PRKG2: variants seen among roughly 807,000 people sequenced by gnomAD.
The protein encoded by PRKG2 is cGMP-dependent protein kinase 2.
In PRKG2, 33 loss-of-function variants were observed where a neutral mutation model predicts 97.2. The ratio of observed to expected loss-of-function variants is 0.34; its 90% CI spans 0.26 to 0.45. The LOEUF (loss-of-function observed/expected upper bound fraction) is 0.45. Ranked by LOEUF, PRKG2 falls within the 20% of genes least tolerant of loss-of-function variation. PRKG2 has a pLI of 1.00. For synonymous variants in PRKG2, 330 were observed against 321.8 expected (o/e 1.03, Z -0.27); for missense variants, 638 against 900.0 (o/e 0.71, Z 3.73).
At chr4:81,210,474 G>C (rs1753912097) in intron 1 of PRKG2, among the ~76,000 whole-genome samples, 1 of 151,918 alleles carries the variant, frequency 6.6e-6, no homozygotes, top group African/African-American at 2.4e-5. Flanking sequence ...AGGTCATTAG[G>C]GAATCTCAAA....
At chr4:81,217,034 T>TATATATATATATATATACAC (rs1553933212), upstream of PRKG2, among the ~76,000 whole-genome samples, 10 of 132,272 alleles carry the variant, frequency 7.6e-5, no homozygotes, top group African/African-American at 2.8e-4. Context: ...ATATTTTGTA[T>TATATATATATATATATACAC]ATATATATAT....
chr4:81,100,754 G>T (rs1742663191), intron 17 of PRKG2, among the ~76,000 whole-genome samples: 1 of 152,096 alleles, frequency 6.6e-6, no homozygotes, highest in African/African-American at 2.4e-5. Context: ...CACAGCAAAA[G>T]AAACTACCAT....
At position 81,087,775 on chromosome 4, in the gene PRKG2, G is replaced by A. The variant is rs1230800142; in HGVS notation, c.*1933C>T. The A allele has an allele frequency of 6.6e-6, 1 of 151,964 alleles. No homozygotes were observed. The highest frequency in any genetic ancestry group is 2.1e-4 in the South Asian group (1 of 4,820). The allele number at this position is 151,964 out of a possible 1,614,324, so 9.4% of individuals were successfully genotyped here. A position where few individuals can be genotyped will look rare whatever the true frequency, so the allele number is the denominator to read the frequency against. On this transcript the variant is annotated 3_prime_UTR_variant, in exon 19 of 19. Transcript: ENST00000264399. ...TCTTCATCTTTTAAAGTACTCTAAG[G>A]AAACAATAAAAAATCACATGGGAGG...
In PRKG2 at chr4:81,115,221, C is replaced by T. The variant is rs573042553; in HGVS notation, c.1777-4610G>A. Among the ~76,000 whole-genome samples, 6 of 152,252 alleles carry T rather than the reference C, an allele frequency of 3.9e-5. No individual in the cohort carries two copies. The South Asian group carries it at 6.2e-4, about 16-fold the overall frequency. On this transcript the variant is annotated intron_variant, in intron 14 of 18. Coordinates refer to ENST00000264399, the MANE Select transcript of PRKG2 (RefSeq NM_006259.3). ...CCAAAGGGATTGTATGATATTGCCA[C>T]CCCTTTGTATAAGAGTTCTGACCGC...
Position 81,202,354 on chromosome 4 carries a change from T to C in PRKG2, c.461+2233A>G, listed in dbSNP as rs1753367723. Reference sequence around the variant, plus strand: ...AAGTTAACTATTTGTGTTTAGCTAGTTATTTCAGACTTAAGGAGGTATCTG... The same window carrying C: ...AAGTTAACTATTTGTGTTTAGCTAGCTATTTCAGACTTAAGGAGGTATCTG... On this transcript the variant is annotated intron_variant, in intron 2 of 18. Coordinates refer to ENST00000264399, the MANE Select transcript of PRKG2 (RefSeq NM_006259.3). Among the ~76,000 whole-genome samples, 3 of 152,326 alleles carry C rather than the reference T, an allele frequency of 2.0e-5. No homozygotes were observed. In the South Asian group the frequency reaches 6.2e-4, roughly 32 times the overall value.
chr4:81,204,721 G>A lies in PRKG2; in HGVS notation c.327C>T (p.Thr109=), dbSNP rs754006115. 5 of 1,614,080 alleles carry A rather than the reference G, an allele frequency of 3.1e-6. No individual in the cohort carries two copies. The stretch of plus-strand genomic sequence containing the variant: ...TGCTATGGAGAGAGACCAATCCAGA[G>A]GTCTTCCGGTGGACCTCAAGAGGCA... The part of the protein sequence containing the change: ...DKVPLEVHRK[T]SGLVSLHSRR... Residue 109 remains threonine (T), a synonymous_variant, in exon 2 of 19, where the codon ACC becomes ACT. Coordinates refer to ENST00000264399, the MANE Select transcript of PRKG2 (RefSeq NM_006259.3).
intron 17 of PRKG2, among the ~76,000 whole-genome samples, chr4:81,097,302 T>C (rs1372388782): frequency 1.3e-5 from 2 of 152,168 alleles, no homozygotes; most frequent in Non-Finnish European, 2.9e-5. Flanking sequence ...AACAGTAATA[T>C]TTGAAAGAAA....
Position 81,144,236 on chromosome 4 carries a change from C to T in PRKG2, c.1249G>A (p.Ala417Thr), listed in dbSNP as rs1167779908. 1 of 1,604,728 alleles carries T rather than the reference C, an allele frequency of 6.2e-7. No homozygotes were observed. The highest frequency in any genetic ancestry group is 1.3e-5 in the African/African-American group (1 of 74,802). Residue 417 changes from alanine to threonine, a missense_variant, in exon 10 of 19, where the codon GCG becomes ACG. Transcript: ENST00000264399. Reference protein sequence around the residue: ...NLNRDDEKRHAKRSMSNWKLS... With the variant: ...NLNRDDEKRHTKRSMSNWKLS... Reference sequence around the variant, plus strand: ...GGAAAACATTCCTCCACTTACTTCGCATGTCTTTTTTCATCATCACGGTTC... The same window carrying T: ...GGAAAACATTCCTCCACTTACTTCGTATGTCTTTTTTCATCATCACGGTTC...
At chr4:81,113,475 T>A (rs924975259) in intron 14 of PRKG2, among the ~76,000 whole-genome samples, 3 of 152,136 alleles carry the variant, frequency 2.0e-5, no homozygotes, top group Non-Finnish European at 4.4e-5. Flanking sequence ...TTATTAACGA[T>A]GGCGTACATC....
In PRKG2 at chr4:81,213,111, C is replaced by T. The variant is rs1189768896; in HGVS notation, c.-14+1825G>A. 2.0e-5 allele frequency among the ~76,000 whole-genome samples: 3 copies of T among 152,220 alleles called. No individual in the cohort carries two copies. The East Asian group carries it at 5.8e-4, about 29-fold the overall frequency. ...GGAGAATGAGCATGCTTTGAAAAGACAGTAATGAGTCTGGATTTACATATA... is the reference window on the plus strand; with the variant it reads ...GGAGAATGAGCATGCTTTGAAAAGATAGTAATGAGTCTGGATTTACATATA... On this transcript the variant is annotated intron_variant, in intron 1 of 18. Transcript: ENST00000264399.
intron 9 of PRKG2, among the ~76,000 whole-genome samples, chr4:81,146,153 A>T (rs1008042585): frequency 3.3e-5 from 5 of 152,160 alleles, no homozygotes; most frequent in African/African-American, 1.2e-4. Flanking sequence ...ACTTTTATTT[A>T]TTCTATACTT....
intron 6 of PRKG2, among the ~76,000 whole-genome samples, chr4:81,159,982 A>T (rs1355674334): frequency 8.5e-6 from 1 of 118,306 alleles, no homozygotes; most frequent in Non-Finnish European, 1.7e-5. Flanking sequence ...GGGGGGAGGG[A>T]GAGCATTGGG....
chr4:81,194,443 T>G (rs1309534152), intron 2 of PRKG2, among the ~76,000 whole-genome samples: 2 of 152,144 alleles, frequency 1.3e-5, no homozygotes, highest in Non-Finnish European at 1.5e-5. Context: ...GTTTATAATT[T>G]GAGAAACTAG....
At chr4:81,151,593 T>A (rs568508293) in intron 8 of PRKG2, among the ~76,000 whole-genome samples, 198 of 152,246 alleles carry the variant, frequency 1.3e-3, no homozygotes, top group African/African-American at 4.6e-3. Flanking sequence ...TAAAATTATT[T>A]CGTAATTTTT....
intron 1 of PRKG2, among the ~76,000 whole-genome samples, chr4:81,208,007 G>C (rs888284019): frequency 6.6e-6 from 1 of 152,136 alleles, no homozygotes; most frequent in Non-Finnish European, 1.5e-5. Context: ...GGCAACTGCA[G>C]GTTATTAAAA....
intron 16 of PRKG2, among the ~76,000 whole-genome samples, chr4:81,104,908 C>T (rs190947118): frequency 0.012 from 1,887 of 151,964 alleles, 21 homozygotes; most frequent in Non-Finnish European, 0.02. Context: ...CAAAAAAAAT[C>T]CAGAAGTCTC....
intron 2 of PRKG2, among the ~76,000 whole-genome samples, chr4:81,203,907 G>A (rs1319354314): frequency 6.6e-6 from 1 of 152,102 alleles, no homozygotes; most frequent in Non-Finnish European, 1.5e-5. Flanking sequence ...AGGCCTTCAT[G>A]ACAAGCCTGC....
intron 14 of PRKG2, among the ~76,000 whole-genome samples, chr4:81,123,471 C>G (rs1482028167): frequency 6.6e-6 from 1 of 152,246 alleles, no homozygotes; most frequent in Non-Finnish European, 1.5e-5. Flanking sequence ...GTGGCACGAT[C>G]TCGGCTCACT....
At chr4:81,167,803 T>C (rs911098499) in intron 5 of PRKG2, among the ~76,000 whole-genome samples, 3 of 151,796 alleles carry the variant, frequency 2.0e-5, no homozygotes, top group African/African-American at 7.3e-5. Flanking sequence ...ACAGGCAAAA[T>C]TATAAACAAC....
Sources: gnomAD v4.1 joint callset for allele counts (sites outside exome capture counted in the v4.1 genomes callset) on GRCh38, gnomAD v4.1.1 for gene constraint, MANE v1.5 for transcripts, NCBI Gene and HGNC (gene_info 2026-07-23, HGNC 2026-07-21) for gene names.